Variants in AKT1S1 observed in about 807,000 individuals in gnomAD.
The protein encoded by AKT1S1 is AKT1 substrate 1, also known as proline-rich AKT1 substrate 1.
AKT1S1 carries 17 observed loss-of-function variants against 21.2 expected under a neutral mutation model. That is an observed-to-expected ratio of 0.80 (90% CI 0.55 to 1.20). The LOEUF (loss-of-function observed/expected upper bound fraction) is 1.20, where lower values mean the gene tolerates loss of function less well. Ranked by LOEUF, AKT1S1 falls within the 50% of genes most tolerant of loss-of-function variation. The probability of loss-of-function intolerance (pLI) is 0.00; values close to 1 mark genes in which losing one functional copy is unlikely to be tolerated. For synonymous variants in AKT1S1, 181 were observed against 165.6 expected (o/e 1.09, Z -0.72); for missense variants, 366 against 368.3 (o/e 0.99, Z 0.05).
chr19:49,870,378 T>C (rs576686222), intron 4 of AKT1S1, among the ~76,000 whole-genome samples: 3 of 152,350 alleles, frequency 2.0e-5, no homozygotes, highest in East Asian at 3.9e-4. Flanking sequence ...CACCGTCTCA[T>C]GTCTGAGGAT....
At chr19:49,872,663 G>C (rs1004111165) in intron 2 of AKT1S1, among the ~76,000 whole-genome samples, 1 of 152,150 alleles carries the variant, frequency 6.6e-6, no homozygotes. Flanking sequence ...TGAGAAAAAA[G>C]CCCGAGCCTG....
At chr19:49,872,286 G>C (rs1433802328) in intron 2 of AKT1S1, among the ~76,000 whole-genome samples, 1 of 152,132 alleles carries the variant, frequency 6.6e-6, no homozygotes, top group Non-Finnish European at 1.5e-5. Context: ...GACACCACCA[G>C]GATTTGAACT....
rs2074883914 is a variant in AKT1S1 at position 49,871,567 on chromosome 19, A to G, written c.607T>C (p.Ser203Pro). The G allele has an allele frequency of 1.9e-6, 3 of 1,613,744 alleles. No individual in the cohort carries two copies. Among genetic ancestry groups the G allele is most frequent in the South Asian group, 1.1e-5 (1 of 91,080 alleles). ...CTCACCGGCCCATTCTCCTCATCTG[A>G]TGACCGCGCCTCTGTCCTCTTCTCC... The part of the protein sequence containing the change: ...FKEKRTEARS[S>P]DEENGPPSSP... The change falls in exon 4 of 5, where the codon TCA becomes CCA. Residue 203 changes from serine (S) to proline (P), a missense_variant. Ser to Pro is a moderately conservative substitution (Grantham distance 74). Coordinates refer to ENST00000344175, the MANE Select transcript of AKT1S1 (RefSeq NM_001098633.4).
chr19:49,869,939 TG>T lies in AKT1S1; in HGVS notation c.748del (p.Gln250ArgfsTer3). 6.5e-7 allele frequency: 1 copy of T among 1,526,952 alleles called. No homozygotes were observed. The highest frequency in any genetic ancestry group is 8.9e-7 in the Non-Finnish European group (1 of 1,129,690). 94.6% of individuals were successfully genotyped at this position (1,526,952 alleles called of 1,614,324 possible). Reference protein sequence around the residue: ...PRPRLNTSDFQKLKRKY With the variant: ...PRPRLNTSDFXKLKRKY Reference sequence around the variant, plus strand: ...ACTTCAATATTTCCGCTTCAGCTTCTGGAAGTCGCTGGTGTTAAGCCGCGGC... The same window carrying T: ...ACTTCAATATTTCCGCTTCAGCTTCTGAAGTCGCTGGTGTTAAGCCGCGGC... On this transcript the variant is annotated frameshift_variant, in exon 5 of 5. Coordinates refer to ENST00000344175, the MANE Select transcript of AKT1S1 (RefSeq NM_001098633.4). LOFTEE classifies it high-confidence loss of function.
intron 1 of AKT1S1, chr19:49,875,990 G>C: frequency 1.0e-6 from 1 of 985,418 alleles, no homozygotes; most frequent in Non-Finnish European, 1.2e-6. Context: ...AAAGTGAGAC[G>C]TGTTCCCCAC....
chr19:49,873,171 C>A lies in AKT1S1; in HGVS notation c.125G>T (p.Gly42Val). Residue 42 changes from glycine to valine, a missense_variant, in exon 2 of 5, where the codon GGC becomes GTC. Physicochemically the swap from Gly to Val is moderately radical, Grantham distance 109. Transcript: ENST00000344175. The surrounding 1 kb of genome is among the most constrained non-coding windows in gnomAD (Gnocchi z 6.9). ...ACCATGGGCAGCATAGGCACAGGGG[C>A]CCGGGCGGGGTGGTGGCGGCGGGGC... ...TAAPPPPPRP[G>V]PCAYAAHGRG... 6.5e-7 allele frequency: 1 copy of A among 1,534,250 alleles called. No homozygotes were observed. Among genetic ancestry groups the A allele is most frequent in the Non-Finnish European group, 8.7e-7 (1 of 1,146,570 alleles).
Position 49,873,945 on chromosome 19 carries a change from G to A in AKT1S1, c.-7-643C>T, listed in dbSNP as rs929232196. ...CTCCGTCGCCCAGCCATCCCGTCAA[G>A]AGTGTCCTGCACAAGGCCCAGGGGG... On this transcript the variant is annotated intron_variant, in intron 1 of 4. Coordinates refer to ENST00000344175, the MANE Select transcript of AKT1S1 (RefSeq NM_001098633.4). This position sits in a 1 kb window ranked among gnomAD's most constrained non-coding sequence, Gnocchi z 6.9. The A allele has an allele frequency of 1.3e-5, 2 of 152,296 alleles. No homozygotes were observed. Among genetic ancestry groups the A allele is most frequent in the African/African-American group, 4.8e-5 (2 of 41,446 alleles). 9.4% of individuals were successfully genotyped at this position (152,296 alleles called of 1,614,324 possible).
At chr19:49,877,564 G>A (rs759151047), upstream of AKT1S1, 14 of 690,148 alleles carry the variant, frequency 2.0e-5, no homozygotes, top group South Asian at 1.6e-4. Context: ...GGTTCCAGTG[G>A]AATAACCCCC....
At position 49,871,796 on chromosome 19, in the gene AKT1S1, A is replaced by G; in HGVS notation, c.457+16T>C. The G allele has an allele frequency of 6.2e-7, 1 of 1,611,134 alleles. No individual in the cohort carries two copies. The highest frequency in any genetic ancestry group is 8.5e-7 in the Non-Finnish European group (1 of 1,178,718). ...CCTGCCCTCAGGTCGGGAGGGGAAC[A>G]GCCTGGGACACTCACCATCTGTACT... is the stretch of plus-strand genomic sequence containing the variant. On this transcript the variant is annotated intron_variant, in intron 3 of 4. Transcript: ENST00000344175.
rs1486341518 is a variant in AKT1S1, at chr19:49,871,681, G to A, written c.493C>T (p.Pro165Ser). The change falls in exon 4 of 5, where the codon CCC becomes TCC. Residue 165 changes from proline (P) to serine (S), a missense_variant. Pro to Ser is a moderately conservative substitution (Grantham distance 74). Coordinates refer to ENST00000344175, the MANE Select transcript of AKT1S1 (RefSeq NM_001098633.4). ...GAGGCTGGGGGCACTGAGCAGGTGGGGGGGCCGGCGGGGGTCTCCTCGCTC... is the reference window on the plus strand; with the variant it reads ...GAGGCTGGGGGCACTGAGCAGGTGGAGGGGCCGGCGGGGGTCTCCTCGCTC... ...SLSEETPAGP[P>S]TCSVPPASAL... 2 of 1,613,186 alleles carry A rather than the reference G, an allele frequency of 1.2e-6. No individual in the cohort carries two copies. The highest frequency in any genetic ancestry group is 1.3e-5 in the African/African-American group (1 of 74,914).
upstream of AKT1S1, chr19:49,878,013 T>A (rs946591021): frequency 1.2e-6 from 1 of 811,694 alleles, no homozygotes; most frequent in Non-Finnish European, 1.9e-6. Context: ...TCTCCCCGCC[T>A]TGGTCCCGGG....
chr19:49,871,258 T>G (rs1404943831), intron 4 of AKT1S1, among the ~76,000 whole-genome samples: 1 of 152,184 alleles, frequency 6.6e-6, no homozygotes, highest in Non-Finnish European at 1.5e-5. Flanking sequence ...CCTCAGTTTC[T>G]CCACTGGAGG....
chr19:49,870,139 C>A, intron 4 of AKT1S1, 79 bp from the exon 5 acceptor site: 4 of 1,327,070 alleles, frequency 3.0e-6, no homozygotes, highest in Non-Finnish European at 3.9e-6. Context: ...GGGGTGCACC[C>A]GGGCTCCAAG....
chr19:49,869,924 T>G lies in AKT1S1; in HGVS notation c.764A>C (p.Lys255Thr). 1 of 1,523,278 alleles carries G rather than the reference T, an allele frequency of 6.6e-7. No individual in the cohort carries two copies. The highest frequency in any genetic ancestry group is 8.9e-7 in the Non-Finnish European group (1 of 1,127,172). The allele number at this position is 1,523,278 out of a possible 1,614,324, so 94.4% of individuals were successfully genotyped here. A position where few individuals can be genotyped will look rare whatever the true frequency, so the allele number is the denominator to read the frequency against. Residue 255 changes from lysine (K) to threonine (T), a missense_variant, in exon 5 of 5, where the codon AAA becomes ACA. By Grantham distance (78) the Lys-to-Thr change is moderately conservative (BLOSUM62 -1). Transcript: ENST00000344175. ...GCGCTCCCTCCCTGGACTTCAATAT[T>G]TCCGCTTCAGCTTCTGGAAGTCGCT... ...NTSDFQKLKR[K>T]Y
intron 4 of AKT1S1, 106 bp downstream of exon 4, chr19:49,871,441 G>C: frequency 6.8e-7 from 1 of 1,470,784 alleles, no homozygotes; most frequent in Non-Finnish European, 9.4e-7. Flanking sequence ...GGAGGATTCA[G>C]TTAGCTTATG....
chr19:49,872,600 A>G (rs2074896517), intron 2 of AKT1S1, among the ~76,000 whole-genome samples: 1 of 152,068 alleles, frequency 6.6e-6, no homozygotes, highest in African/African-American at 2.4e-5. Context: ...CCTGCCCCAG[A>G]GCCTCCCAAC....
rs1012429780 is a variant in AKT1S1 at position 49,873,622 on chromosome 19, GGAGTCCTAGCAGA to G, written c.-7-333_-7-321del. 6.0e-5 allele frequency: 21 copies of G among 351,280 alleles called. No individual in the cohort carries two copies. The highest frequency in any genetic ancestry group is 1.5e-4 in the Admixed American group (3 of 20,220). 21.8% of individuals were successfully genotyped at this position (351,280 alleles called of 1,614,324 possible). ...TGAACAGGGAGTACTGGAAAGGCAG[GGAGTCCTAGCAGA>G]GAGTCCTAGCAGAGAGGCCTCTAAC... On this transcript the variant is annotated intron_variant, in intron 1 of 4. Transcript: ENST00000344175. This position sits in a 1 kb window ranked among gnomAD's most constrained non-coding sequence, Gnocchi z 6.9.
At chr19:49,874,601 G>A (rs190678973) in intron 1 of AKT1S1, 1 of 152,444 alleles carries the variant, frequency 6.6e-6, no homozygotes, top group Admixed American at 6.5e-5. Context: ...AATGCAGGGT[G>A]CGTCTCCTTA....
At chr19:49,876,473 G>C in intron 1 of AKT1S1, 2 of 1,201,612 alleles carry the variant, frequency 1.7e-6, no homozygotes, top group Non-Finnish European at 2.1e-6. Context: ...AAGGATCGCT[G>C]GCAGACCTCT....
Sources: allele counts gnomAD v4.1 joint callset (sites outside exome capture counted in the v4.1 genomes callset), GRCh38; gene constraint gnomAD v4.1.1; non-coding constraint Gnocchi (gnomAD v3.1); transcripts MANE v1.5; gene names NCBI Gene and HGNC (gene_info 2026-07-23, HGNC 2026-07-21).